DCAF8: variants seen among roughly 807,000 people sequenced by gnomAD.
DCAF8 encodes the protein DDB1 and CUL4 associated factor 8.
Under a neutral mutation model 68.0 loss-of-function variants are expected in DCAF8, and 20 were observed. That is an observed-to-expected ratio of 0.29 (90% CI 0.21 to 0.43). The LOEUF (loss-of-function observed/expected upper bound fraction) is 0.43. DCAF8 is among the 20% of genes least tolerant of loss of function. The pLI is 1.00. For missense variants in DCAF8, 460 were observed against 771.0 expected (o/e 0.60, Z 4.78); for synonymous variants, 230 against 276.9 (o/e 0.83, Z 1.68).
chr1:160,239,688 T>C lies in DCAF8; in HGVS notation c.723+9A>G. The C allele has an allele frequency of 6.2e-7, 1 of 1,614,224 alleles. No homozygotes were observed. On this transcript the variant is annotated intron_variant, in intron 4 of 13. Coordinates refer to ENST00000368074, the MANE Select transcript of DCAF8 (RefSeq NM_015726.4). ...TTCTCTCAGTTGCTATTATGCTCCC[T>C]TGCCTCACCTGGAACACATTACTTT...
chr1:160,261,547 T>C (rs779872030), intron 1 of DCAF8, 189 bp from the exon 2 acceptor site: 2 of 152,224 alleles, frequency 1.3e-5, no homozygotes, highest in South Asian at 2.1e-4. Flanking sequence ...ACATGAAGAT[T>C]AGAAGCCAGG....
chr1:160,244,943 T>C (rs1656262023), intron 2 of DCAF8, among the ~76,000 whole-genome samples: 1 of 152,166 alleles, frequency 6.6e-6, no homozygotes, highest in Non-Finnish European at 1.5e-5. Context: ...GCACAGATAC[T>C]AAGGATTATA....
chr1:160,220,444 A>T (rs1048697036), intron 11 of DCAF8: 1 of 152,256 alleles, frequency 6.6e-6, no homozygotes, highest in African/African-American at 2.4e-5. Flanking sequence ...GGAACAAGAG[A>T]ATAACATACA....
rs1442666895 is a variant in DCAF8 at position 160,217,624 on chromosome 1, C to T, written c.1762G>A (p.Gly588Ser). The change falls in exon 14 of 14, where the codon GGC becomes AGC. Residue 588 changes from glycine (G) to serine (S), a missense_variant. By Grantham distance (56) the Gly-to-Ser change is moderately conservative (BLOSUM62 0). Transcript: ENST00000368074. ...GGCATGCACTGCACCCGGTCAGGGC[C>T]CTCCTCCTCGTCCGATGTGTCTGAG... Reference protein sequence around the residue: ...SSSDTSDEEEGPDRVQCMPS With the variant: ...SSSDTSDEEESPDRVQCMPS The T allele has an allele frequency of 1.9e-6, 3 of 1,613,858 alleles. No homozygotes were observed. The highest frequency in any genetic ancestry group is 2.5e-6 in the Non-Finnish European group (3 of 1,179,990).
intron 2 of DCAF8, among the ~76,000 whole-genome samples, chr1:160,255,514 A>C (rs1656802119): frequency 6.6e-6 from 1 of 152,226 alleles, no homozygotes; most frequent in Admixed American, 6.5e-5. Flanking sequence ...TGAGGATTCA[A>C]ACTATGAATA....
intron 3 of DCAF8, among the ~76,000 whole-genome samples, chr1:160,243,277 A>G (rs1043270851): frequency 4.6e-5 from 7 of 152,066 alleles, no homozygotes; most frequent in African/African-American, 9.7e-5. Flanking sequence ...TCCTGAAAAG[A>G]AGGAGGAGGG....
Position 160,240,386 on chromosome 1 carries a change from G to C in DCAF8, c.50-16C>G, listed in dbSNP as rs1211585757. ...GACAGGCTTCCTGCATGTTAGTGAG[G>C]AAGGAGTAGAGGAGAGGGAAAAATA... On this transcript the variant is annotated splice_polypyrimidine_tract_variant and intron_variant, in intron 3 of 13. Transcript: ENST00000368074. 1.9e-5 allele frequency: 30 copies of C among 1,596,216 alleles called. No homozygotes were observed. The highest frequency in any genetic ancestry group is 2.7e-5 in the African/African-American group (2 of 74,580).
intron 11 of DCAF8, 167 bp from the exon 12 acceptor site, chr1:160,219,135 A>G: frequency 3.6e-6 from 3 of 834,286 alleles, no homozygotes; most frequent in Non-Finnish European, 5.5e-6. Context: ...CTGAGGGTAG[A>G]GAAACCAGAC....
At chr1:160,258,712 T>C (rs1656939007) in intron 2 of DCAF8, among the ~76,000 whole-genome samples, 1 of 151,944 alleles carries the variant, frequency 6.6e-6, no homozygotes, top group African/African-American at 2.4e-5. Context: ...GCCCAGGAGT[T>C]TGAGACCAGC....
rs143859155 is a variant in DCAF8 at position 160,261,585 on chromosome 1, G to C, written c.-100-227C>G. 3.3e-5 allele frequency: 5 copies of C among 152,242 alleles called. No homozygotes were observed. The East Asian group carries it at 9.6e-4, about 29-fold the overall frequency. 9.4% of individuals were successfully genotyped at this position (152,242 alleles called of 1,614,324 possible). ...AGTAATCTCCCAGCTCCACTAAAAC[G>C]TAAAGTCATTTAAAAGGATAACCTG... On this transcript the variant is annotated intron_variant, in intron 1 of 13. Transcript: ENST00000368074.
At chr1:160,255,106 T>C (rs1034051751) in intron 2 of DCAF8, among the ~76,000 whole-genome samples, 3 of 152,226 alleles carry the variant, frequency 2.0e-5, no homozygotes, top group Non-Finnish European at 4.4e-5. Flanking sequence ...AAACATCGTA[T>C]ATAATATAGG....
chr1:160,238,403 T>C lies in DCAF8; in HGVS notation c.864+204A>G, dbSNP rs1029748746. On this transcript the variant is annotated intron_variant, in intron 5 of 13. Transcript: ENST00000368074. ...GGGGCCAAATACTATGAATGCATGA[T>C]CTAGGGACTTTTCAGATACTTGCCT... 3.3e-5 allele frequency among the ~76,000 whole-genome samples: 5 copies of C among 152,166 alleles called. No homozygotes were observed. In the South Asian group the frequency reaches 1.0e-3, roughly 31 times the overall value.
intron 12 of DCAF8, 112 bp downstream of exon 12, chr1:160,218,737 T>C: frequency 6.7e-7 from 1 of 1,487,324 alleles, no homozygotes. Context: ...GGGAGGGTGT[T>C]AGAGCAGTGC....
chr1:160,254,517 G>GAT, intron 2 of DCAF8, among the ~76,000 whole-genome samples: 1 of 150,402 alleles, frequency 6.6e-6, no homozygotes, highest in East Asian at 1.9e-4. Flanking sequence ...TTTTTGGCCA[G>GAT]GTACCATGGC....
At chr1:160,224,332 GC>G in intron 10 of DCAF8, 109 bp downstream of exon 10, 1 of 768,264 alleles carries the variant, frequency 1.3e-6, no homozygotes, top group South Asian at 1.7e-5. Flanking sequence ...ATCCCTCAGT[GC>G]CCATGGCAAC....
chr1:160,249,710 T>G (rs1016564499), intron 2 of DCAF8, among the ~76,000 whole-genome samples: 3 of 152,312 alleles, frequency 2.0e-5, no homozygotes, highest in South Asian at 4.2e-4. Flanking sequence ...GTTTTAATAG[T>G]TTTACTTAAA....
intron 1 of DCAF8, 98 bp downstream of exon 1, chr1:160,262,351 C>T (rs1260193000): frequency 2.5e-6 from 1 of 399,442 alleles, no homozygotes; most frequent in African/African-American, 2.1e-5. Flanking sequence ...CAGCAGCCCG[C>T]TTCCCGTCTT....
At chr1:160,240,777 A>G (rs1474435665) in intron 3 of DCAF8, among the ~76,000 whole-genome samples, 1 of 152,248 alleles carries the variant, frequency 6.6e-6, no homozygotes, top group Non-Finnish European at 1.5e-5. Flanking sequence ...CTCCAGCAAG[A>G]GCTAGCATAG....
chr1:160,244,045 G>T lies in DCAF8; in HGVS notation c.-26-11C>A, dbSNP rs1223860963. On this transcript the variant is annotated splice_polypyrimidine_tract_variant and intron_variant, in intron 2 of 13. Transcript: ENST00000368074. ...TTTGCTGTAGCCAGCCTGGGTTTGG[G>T]AGAGGAAGAAACCAAAACAATTAGG... The T allele has an allele frequency of 2.5e-6, 4 of 1,612,964 alleles. No individual in the cohort carries two copies. The South Asian group carries it at 4.4e-5, about 18-fold the overall frequency.
Sources: gnomAD v4.1 joint callset for allele counts (sites outside exome capture counted in the v4.1 genomes callset) on GRCh38, gnomAD v4.1.1 for gene constraint, MANE v1.5 for transcripts, NCBI Gene and HGNC (gene_info 2026-07-23, HGNC 2026-07-21) for gene names.